The following MYDGF variants were observed in gnomAD, a reference collection of about 807,000 sequenced individuals.
MYDGF encodes myeloid derived growth factor.
MYDGF carries 29 observed loss-of-function variants against 24.2 expected under a neutral mutation model. The observed-to-expected ratio is 1.20, with a 90% CI of 0.89 to 1.63. MYDGF has a LOEUF of 1.63. Among genes scored for constraint, MYDGF ranks in the 40% most tolerant of loss-of-function variants. The pLI is 0.00. For synonymous variants in MYDGF, 105 were observed against 102.5 expected (o/e 1.02, Z -0.15); for missense variants, 245 against 234.8 (o/e 1.04, Z -0.29).
rs961137318 is a variant in MYDGF at position 4,666,116 on chromosome 19, G to A, written c.226-1179C>T. Among the ~76,000 whole-genome samples, 4 of 151,478 alleles carry A rather than the reference G, an allele frequency of 2.6e-5. No individual in the cohort carries two copies. In the South Asian group the frequency reaches 6.3e-4, roughly 24 times the overall value. On this transcript the variant is annotated intron_variant, in intron 2 of 5. Transcript: ENST00000262947. ...GATGATCACTTGAACCCAAGAGTTC[G>A]AGACCAGCCTGGGCAACATAGCGAG...
chr19:4,660,652 C>G lies in MYDGF; in HGVS notation c.369+17G>C. The G allele has an allele frequency of 1.2e-6, 2 of 1,611,132 alleles. No homozygotes were observed. The highest frequency in any genetic ancestry group is 1.7e-6 in the Non-Finnish European group (2 of 1,177,418). The stretch of plus-strand genomic sequence containing the variant: ...CAGAAGCCACACCCGGAGCCTGCCC[C>G]ACTCCAAGATACTCACGTAGGCCAT... On this transcript the variant is annotated intron_variant, in intron 4 of 5. Coordinates refer to ENST00000262947, the MANE Select transcript of MYDGF (RefSeq NM_019107.4).
intron 5 of MYDGF, among the ~76,000 whole-genome samples, chr19:4,659,471 G>A (rs932086703): frequency 1.5e-4 from 23 of 151,468 alleles, no homozygotes; most frequent in African/African-American, 2.2e-4. Context: ...TGTTCCGCCC[G>A]CCTCGTCCTC....
At chr19:4,667,363 T>C (rs960387109) in intron 2 of MYDGF, among the ~76,000 whole-genome samples, 2 of 151,758 alleles carry the variant, frequency 1.3e-5, no homozygotes, top group African/African-American at 4.8e-5. Flanking sequence ...CTCCTGACCT[T>C]GTGATCCACC....
intron 1 of MYDGF, 176 bp from the exon 2 acceptor site, chr19:4,668,821 A>G (rs1599840916): frequency 3.7e-6 from 2 of 545,596 alleles, no homozygotes; most frequent in East Asian, 6.4e-5. Flanking sequence ...AACTGAGACA[A>G]TAGGTACGCA....
chr19:4,668,652 A>T lies in MYDGF; in HGVS notation c.175-7T>A, dbSNP rs201976051. 8.1e-6 allele frequency: 13 copies of T among 1,611,172 alleles called. No homozygotes were observed. Among genetic ancestry groups the T allele is most frequent in the African/African-American group, 1.3e-5 (1 of 74,730 alleles). On this transcript the variant is annotated splice_polypyrimidine_tract_variant and splice_region_variant and intron_variant, in intron 1 of 5. Coordinates refer to ENST00000262947, the MANE Select transcript of MYDGF (RefSeq NM_019107.4). ...ACATACACGTATATTTGTCCTAGAGAATGGAAGGAAAAAAAAGGTTTGGTA... is the reference window on the plus strand; with the variant it reads ...ACATACACGTATATTTGTCCTAGAGTATGGAAGGAAAAAAAAGGTTTGGTA...
intron 3 of MYDGF, among the ~76,000 whole-genome samples, chr19:4,663,715 T>C (rs1414627591): frequency 5.4e-5 from 2 of 36,744 alleles, no homozygotes; most frequent in Non-Finnish European, 1.0e-4. Flanking sequence ...CAGTCTCCAA[T>C]CTGTGCTCTC....
chr19:4,667,714 CTT>C (rs60551607), intron 2 of MYDGF, among the ~76,000 whole-genome samples: 81 of 146,734 alleles, frequency 5.5e-4, no homozygotes, highest in African/African-American at 1.6e-3. Context: ...AGCCCAGAGA[CTT>C]TTTTTTTTTT....
chr19:4,659,515 C>T (rs527338841), intron 5 of MYDGF, among the ~76,000 whole-genome samples: 6 of 152,208 alleles, frequency 3.9e-5, no homozygotes, highest in South Asian at 4.1e-4. Context: ...TGAGCCACCG[C>T]ACCCAGCCTG....
At chr19:4,660,811 C>T (rs1040728573) in intron 3 of MYDGF, 61 bp from the exon 4 acceptor site, 7 of 1,463,524 alleles carry the variant, frequency 4.8e-6, no homozygotes, top group Admixed American at 3.7e-5. Flanking sequence ...GTCTGTGTGC[C>T]CTGGAAGGAG....
chr19:4,660,928 C>T (rs2088465727), intron 3 of MYDGF, among the ~76,000 whole-genome samples, 178 bp from the exon 4 acceptor site: 1 of 151,956 alleles, frequency 6.6e-6, no homozygotes, highest in South Asian at 2.1e-4. Flanking sequence ...TGGATGGGGC[C>T]CTCTCAACAG....
At position 4,662,904 on chromosome 19, in the gene MYDGF, G is replaced by T. The variant is rs546141962; in HGVS notation, c.287+1972C>A. Among the ~76,000 whole-genome samples, 8 of 152,028 alleles carry T rather than the reference G, an allele frequency of 5.3e-5. No individual in the cohort carries two copies. The South Asian group carries it at 1.5e-3, about 28-fold the overall frequency. On this transcript the variant is annotated intron_variant, in intron 3 of 5. Coordinates refer to ENST00000262947, the MANE Select transcript of MYDGF (RefSeq NM_019107.4). Reference sequence around the variant, plus strand: ...TGCACCAGCTCCGCCAGTTCCACCAGGACTCTGCCCAGCACCTTCCTCCTC... The same window carrying T: ...TGCACCAGCTCCGCCAGTTCCACCATGACTCTGCCCAGCACCTTCCTCCTC...
At chr19:4,660,540 C>T (rs2088461499) in intron 4 of MYDGF, 129 bp downstream of exon 4, 1 of 862,946 alleles carries the variant, frequency 1.2e-6, no homozygotes, top group Non-Finnish European at 1.8e-6. Context: ...GTTACACACC[C>T]TACCTCTGCA....
intron 3 of MYDGF, among the ~76,000 whole-genome samples, chr19:4,662,778 G>C (rs987212493): frequency 2.0e-5 from 3 of 152,002 alleles, no homozygotes; most frequent in African/African-American, 7.3e-5. Context: ...CCCTTCTGGT[G>C]GGACACATTC....
intron 2 of MYDGF, 107 bp from the exon 3 acceptor site, chr19:4,665,044 G>C: frequency 2.4e-6 from 3 of 1,236,552 alleles, no homozygotes; most frequent in Non-Finnish European, 2.3e-6. Context: ...TGTACCTCCC[G>C]ATTCAGGGGC....
intron 1 of MYDGF, among the ~76,000 whole-genome samples, chr19:4,669,120 C>A (rs539817859): frequency 7.9e-5 from 12 of 152,242 alleles, no homozygotes; most frequent in African/African-American, 2.9e-4. Flanking sequence ...AGCATTTTCT[C>A]ATCTGTAACT....
At chr19:4,660,840 C>G in intron 3 of MYDGF, 90 bp from the exon 4 acceptor site, 11 of 1,101,140 alleles carry the variant, frequency 1.0e-5, no homozygotes, top group Non-Finnish European at 1.4e-5. Context: ...GGGACTCGGG[C>G]TGGGGTCAGC....
intron 1 of MYDGF, among the ~76,000 whole-genome samples, chr19:4,669,871 G>A (rs1418778901): frequency 6.6e-6 from 1 of 152,132 alleles, no homozygotes; most frequent in Non-Finnish European, 1.5e-5. Flanking sequence ...CTGGAGGGCA[G>A]GGGTGCCTGG....
chr19:4,658,871 C>T lies in MYDGF; in HGVS notation c.443-787G>A, dbSNP rs193193432. 1.3e-3 allele frequency among the ~76,000 whole-genome samples: 185 copies of T among 144,736 alleles called. 1 individual carries two copies. Among genetic ancestry groups the T allele is most frequent in the Non-Finnish European group, 2.2e-3 (144 of 66,006 alleles). The allele number at this position is 144,736 out of a possible 152,430, so 95.0% of individuals were successfully genotyped here. A position where few individuals can be genotyped will look rare whatever the true frequency, so the allele number is the denominator to read the frequency against. On this transcript the variant is annotated intron_variant, in intron 5 of 5. Coordinates refer to ENST00000262947, the MANE Select transcript of MYDGF (RefSeq NM_019107.4). ...AGGCTGGAGTGCAGTGGTGCAGTCT[C>T]GACTCACTGCAACCTCCTGCTCCTA...
chr19:4,658,013 C>A lies in MYDGF; in HGVS notation c.514G>T (p.Glu172Ter). The change falls in exon 6 of 6, where the codon GAG becomes TAG. Residue 172 changes from glutamate (E) to a stop codon, truncating the protein, a stop_gained. Transcript: ENST00000262947. LOFTEE classifies it high-confidence loss of function. Reference protein sequence around the residue: ...LVIVAKASRTEL With the variant: ...LVIVAKASRT Reference sequence around the variant, plus strand: ...CGCAACAGGGCTGCTGGTCACAGCTCAGTGCGCGATGCCTTGGCCACAATC... The same window carrying A: ...CGCAACAGGGCTGCTGGTCACAGCTAAGTGCGCGATGCCTTGGCCACAATC... 2 of 1,609,938 alleles carry A rather than the reference C, an allele frequency of 1.2e-6. No individual in the cohort carries two copies. Among genetic ancestry groups the A allele is most frequent in the Non-Finnish European group, 1.7e-6 (2 of 1,178,864 alleles).
Sources: allele counts gnomAD v4.1 joint callset (sites outside exome capture counted in the v4.1 genomes callset), GRCh38; gene constraint gnomAD v4.1.1; transcripts MANE v1.5; gene names NCBI Gene and HGNC (gene_info 2026-07-23, HGNC 2026-07-21).